The following ATP11A variants were observed in gnomAD, a reference collection of about 807,000 sequenced individuals.
The protein encoded by ATP11A is ATPase phospholipid transporting 11A, also known as phospholipid-transporting ATPase IH.
In ATP11A, 81 loss-of-function variants were observed where a neutral mutation model predicts 154.4. The observed-to-expected ratio is 0.52, with a 90% CI of 0.44 to 0.63. The LOEUF is 0.63. Ranked by LOEUF, ATP11A falls within the 30% of genes least tolerant of loss-of-function variation. ATP11A has a pLI of 0.00. For synonymous variants in ATP11A, 623 were observed against 585.9 expected, an observed-to-expected ratio of 1.06 and a Z score of -0.91; for missense variants, 1,316 against 1,474.3, an observed-to-expected ratio of 0.89 and a Z score of 1.76.
chr13:112,829,509 A>G (rs2079033643), intron 12 of ATP11A, among the ~76,000 whole-genome samples: 1 of 152,216 alleles, frequency 6.6e-6, no homozygotes, highest in Admixed American at 6.5e-5. Flanking sequence ...AAAATTCAGC[A>G]TCCTTTCATA....
chr13:112,724,498 C>G (rs1889596548), intron 1 of ATP11A, among the ~76,000 whole-genome samples: 1 of 152,048 alleles, frequency 6.6e-6, no homozygotes, highest in Non-Finnish European at 1.5e-5. Context: ...CGTGGCCCTC[C>G]TCCAGAACCG....
intron 1 of ATP11A, among the ~76,000 whole-genome samples, chr13:112,774,922 A>G (rs904216790): frequency 6.6e-5 from 10 of 151,086 alleles, no homozygotes; most frequent in Non-Finnish European, 1.5e-4. Flanking sequence ...AGCTCCTCCC[A>G]CCTTCCCCCG....
intron 11 of ATP11A, among the ~76,000 whole-genome samples, 175 bp from the exon 12 acceptor site, chr13:112,826,519 C>T (rs539892153): frequency 6.6e-6 from 1 of 151,880 alleles, no homozygotes; most frequent in Non-Finnish European, 1.5e-5. Context: ...GCTCAGAGAC[C>T]AGGTGACCCA....
At chr13:112,831,778 A>C (rs1329585400) in intron 13 of ATP11A, among the ~76,000 whole-genome samples, 1 of 152,246 alleles carries the variant, frequency 6.6e-6, no homozygotes, top group Non-Finnish European at 1.5e-5. Flanking sequence ...GGGCAAACAC[A>C]CATGCATGCA....
rs2080950183 is a variant in ATP11A at position 112,885,006 on chromosome 13, A to C, written c.*3140A>C. 2 of 152,346 alleles carry C rather than the reference A, an allele frequency of 1.3e-5. No homozygotes were observed. The highest frequency in any genetic ancestry group is 1.3e-4 in the Admixed American group (2 of 15,286). 9.4% of individuals were successfully genotyped at this position (152,346 alleles called of 1,614,324 possible). A position where few individuals can be genotyped will look rare whatever the true frequency, so the allele number is the denominator to read the frequency against. ...ATCACTCACATATGTACATGTACCCACCACAAACGTGCAAGCTCCTGCACA... is the reference window on the plus strand; with the variant it reads ...ATCACTCACATATGTACATGTACCCCCCACAAACGTGCAAGCTCCTGCACA... On this transcript the variant is annotated 3_prime_UTR_variant, in exon 30 of 30. Coordinates refer to ENST00000375645, the MANE Select transcript of ATP11A (RefSeq NM_015205.3).
At chr13:112,834,152 T>A (rs571758157) in intron 14 of ATP11A, among the ~76,000 whole-genome samples, 2 of 152,310 alleles carry the variant, frequency 1.3e-5, no homozygotes, top group South Asian at 4.1e-4. Context: ...GGACCTTCGT[T>A]CCCCGTCAGT....
In ATP11A at chr13:112,837,789, C is replaced by T. The variant is rs777998650; in HGVS notation, c.1705+1538C>T. Among the ~76,000 whole-genome samples the T allele has an allele frequency of 5.9e-5, 9 of 152,110 alleles. No homozygotes were observed. In the East Asian group the frequency reaches 7.8e-4, roughly 13 times the overall value. On this transcript the variant is annotated intron_variant, in intron 16 of 29. Coordinates refer to ENST00000375645, the MANE Select transcript of ATP11A (RefSeq NM_015205.3). ...ATCATCAGTGCCGTCGGGCACCCTTCGGATCAGGACCATGGTGCCTCACTT... is the reference window on the plus strand; with the variant it reads ...ATCATCAGTGCCGTCGGGCACCCTTTGGATCAGGACCATGGTGCCTCACTT...
chr13:112,767,590 T>A lies in ATP11A; in HGVS notation c.40-17545T>A, dbSNP rs373875112. The stretch of plus-strand genomic sequence containing the variant: ...CCTGGCTATTTGCCTAACCACAGAA[T>A]ATCTGTGACTGTCTGATCATCTGCA... On this transcript the variant is annotated intron_variant, in intron 1 of 29. Transcript: ENST00000375645. 3.0e-4 allele frequency among the ~76,000 whole-genome samples: 46 copies of A among 152,116 alleles called. No homozygotes were observed. In the East Asian group the frequency reaches 7.9e-3, roughly 26 times the overall value.
chr13:112,784,518 G>T (rs954379895), intron 1 of ATP11A, among the ~76,000 whole-genome samples: 1 of 149,388 alleles, frequency 6.7e-6, no homozygotes, highest in Non-Finnish European at 1.5e-5. Context: ...TTGGCCACAC[G>T]TTCTGTTCTT....
intron 1 of ATP11A, among the ~76,000 whole-genome samples, chr13:112,700,828 G>C (rs1217806051): frequency 6.6e-6 from 1 of 152,234 alleles, no homozygotes; most frequent in African/African-American, 2.4e-5. Context: ...GCCTCCAGCT[G>C]CTTCAGGACT....
intron 1 of ATP11A, among the ~76,000 whole-genome samples, chr13:112,695,654 ATTAG>A (rs1885721338): frequency 6.6e-6 from 1 of 152,210 alleles, no homozygotes; most frequent in Non-Finnish European, 1.5e-5. Context: ...TCAGTTTACA[ATTAG>A]TTAAAACTGT....
intron 1 of ATP11A, among the ~76,000 whole-genome samples, chr13:112,773,889 A>G (rs2077284985): frequency 7.3e-6 from 1 of 136,490 alleles, no homozygotes; most frequent in Non-Finnish European, 1.6e-5. Context: ...TCCACCCTCC[A>G]CCCCACCTCG....
chr13:112,822,498 C>T (rs1183810692), intron 8 of ATP11A, among the ~76,000 whole-genome samples: 3 of 152,126 alleles, frequency 2.0e-5, no homozygotes, highest in Admixed American at 6.5e-5. Context: ...AGTGTGGCTA[C>T]CAGTGTTTCT....
intron 1 of ATP11A, among the ~76,000 whole-genome samples, chr13:112,771,608 GT>G (rs1288025064): frequency 6.6e-6 from 1 of 152,188 alleles, no homozygotes; most frequent in African/African-American, 2.4e-5. Context: ...GTAGTGCAAG[GT>G]TAGAGATAAC....
chr13:112,736,367 A>C (rs2139721530), intron 1 of ATP11A, among the ~76,000 whole-genome samples: 1 of 152,358 alleles, frequency 6.6e-6, no homozygotes, highest in East Asian at 1.9e-4. Context: ...AACACACACA[A>C]AAAATCAGCT....
chr13:112,828,168 TG>T (rs1555333909), intron 12 of ATP11A, among the ~76,000 whole-genome samples: 4 of 10,884 alleles, frequency 3.7e-4, no homozygotes, highest in Non-Finnish European at 6.6e-4. Flanking sequence ...CAGCGTTGAG[TG>T]GGGGGAAAGC....
At chr13:112,734,352 C>T (rs957021640) in intron 1 of ATP11A, among the ~76,000 whole-genome samples, 3 of 152,096 alleles carry the variant, frequency 2.0e-5, no homozygotes, top group Admixed American at 6.6e-5. Flanking sequence ...GTTAAGAAAC[C>T]GTTGCAAGCA....
chr13:112,769,767 C>CT (rs770756533), intron 1 of ATP11A, among the ~76,000 whole-genome samples: 2 of 152,222 alleles, frequency 1.3e-5, no homozygotes, highest in Non-Finnish European at 2.9e-5. Context: ...AGAGGAGTCT[C>CT]TGTCCTGAGA....
At chr13:112,701,787 C>T (rs1033691914) in intron 1 of ATP11A, among the ~76,000 whole-genome samples, 21 of 151,954 alleles carry the variant, frequency 1.4e-4, no homozygotes, top group African/African-American at 4.6e-4. Flanking sequence ...GAGAGGAGAT[C>T]GCGCCACTGC....
Sources: gnomAD v4.1 joint callset for allele counts (sites outside exome capture counted in the v4.1 genomes callset) on GRCh38, gnomAD v4.1.1 for gene constraint, MANE v1.5 for transcripts, NCBI Gene and HGNC (gene_info 2026-07-23, HGNC 2026-07-21) for gene names.